Variants in TECRL observed in about 807,000 individuals in gnomAD.
TECRL encodes trans-2,3-enoyl-CoA reductase like, also known as trans-2,3-enoyl-CoA reductase-like.
A neutral mutation model predicts 52.8 loss-of-function variants in TECRL; 63 were observed. The observed-to-expected ratio is 1.19, with a 90% confidence interval of 0.97 to 1.47. The LOEUF (loss-of-function observed/expected upper bound fraction) is 1.47, where lower values mean the gene tolerates loss of function less well. TECRL is among the 40% of genes most tolerant of loss of function. The pLI is 0.00. For synonymous variants in TECRL, 164 were observed against 141.9 expected, an observed-to-expected ratio of 1.16 and a Z score of -1.10; for missense variants, 482 against 429.6, an observed-to-expected ratio of 1.12 and a Z score of -1.08.
chr4:64,378,149 T>G (rs1054782272), intron 1 of TECRL, among the ~76,000 whole-genome samples: 1 of 152,200 alleles, frequency 6.6e-6, no homozygotes, highest in Non-Finnish European at 1.5e-5. Flanking sequence ...AAATGCCAAA[T>G]GCAGGTTTCC....
At chr4:64,399,395 AAG>A (rs1167188059) in intron 1 of TECRL, among the ~76,000 whole-genome samples, 1 of 152,328 alleles carries the variant, frequency 6.6e-6, no homozygotes, top group Non-Finnish European at 1.5e-5. Flanking sequence ...TAGAAAAAAA[AAG>A]AGTTTTTTGA....
intron 2 of TECRL, among the ~76,000 whole-genome samples, chr4:64,335,305 G>T (rs1394853724): frequency 6.6e-6 from 1 of 152,130 alleles, no homozygotes; most frequent in Non-Finnish European, 1.5e-5. Flanking sequence ...CCCTATTGTG[G>T]ACTGTGCATG....
chr4:64,291,741 T>C (rs887360481), intron 8 of TECRL, among the ~76,000 whole-genome samples: 9 of 151,866 alleles, frequency 5.9e-5, no homozygotes, highest in Non-Finnish European at 1.2e-4. Flanking sequence ...GATAGATTTA[T>C]AATAACACCA....
At position 64,308,103 on chromosome 4, in the gene TECRL, C is replaced by T. The variant is rs532880449; in HGVS notation, c.657+1723G>A. On this transcript the variant is annotated intron_variant, in intron 6 of 11. Coordinates refer to ENST00000381210, the MANE Select transcript of TECRL (RefSeq NM_001010874.5). ...CACCTAATGGCAGTTAGGGTTAACA[C>T]TCCAGAGTGGGGAATGAGAGAGGAG... Among the ~76,000 whole-genome samples, 124 of 152,228 alleles carry T rather than the reference C, an allele frequency of 8.1e-4. 1 individual carries two copies. The highest frequency in any genetic ancestry group is 2.8e-3 in the African/African-American group (118 of 41,532).
At chr4:64,348,765 C>T (rs1337945559) in intron 2 of TECRL, among the ~76,000 whole-genome samples, 1 of 152,116 alleles carries the variant, frequency 6.6e-6, no homozygotes, top group Non-Finnish European at 1.5e-5. Context: ...AATTGTAGCT[C>T]AGAACATGTC....
chr4:64,304,694 C>T (rs756517982), intron 7 of TECRL, among the ~76,000 whole-genome samples: 25 of 151,958 alleles, frequency 1.6e-4, no homozygotes, highest in Non-Finnish European at 1.5e-4. Flanking sequence ...AGTGTACATT[C>T]AACCAAATGT....
intron 8 of TECRL, among the ~76,000 whole-genome samples, chr4:64,299,422 A>T (rs1723876833): frequency 6.6e-6 from 1 of 151,218 alleles, no homozygotes; most frequent in South Asian, 2.1e-4. Flanking sequence ...AAAAAGTGTC[A>T]AATGAAATAA....
rs541447234 is a variant in TECRL at position 64,306,353 on chromosome 4, A to T, written c.658-1115T>A. ...GGACTTAGAAGGATATCCTGGGGCAACTGAAGGTATCTGGCTGAGGCTAGA... is the reference window on the plus strand; with the variant it reads ...GGACTTAGAAGGATATCCTGGGGCATCTGAAGGTATCTGGCTGAGGCTAGA... On this transcript the variant is annotated intron_variant, in intron 6 of 11. Coordinates refer to ENST00000381210, the MANE Select transcript of TECRL (RefSeq NM_001010874.5). 1.1e-4 allele frequency among the ~76,000 whole-genome samples: 16 copies of T among 152,244 alleles called. No homozygotes were observed. In the East Asian group the frequency reaches 3.1e-3, roughly 29 times the overall value.
chr4:64,328,661 A>T, intron 2 of TECRL, 105 bp from the exon 3 acceptor site: 1 of 953,608 alleles, frequency 1.0e-6, no homozygotes, highest in Non-Finnish European at 1.6e-6. Context: ...AAGTAAATAA[A>T]ATGGGTTATC....
chr4:64,389,052 T>C (rs1418429285), intron 1 of TECRL, among the ~76,000 whole-genome samples: 1 of 151,932 alleles, frequency 6.6e-6, no homozygotes, highest in Non-Finnish European at 1.5e-5. Flanking sequence ...ATATTCTACA[T>C]AGACAAACAT....
chr4:64,347,750 G>A (rs1473410757), intron 2 of TECRL, among the ~76,000 whole-genome samples: 2 of 152,170 alleles, frequency 1.3e-5, no homozygotes, highest in East Asian at 1.9e-4. Context: ...CTCTCTGTAT[G>A]TGGGGATTAC....
intron 2 of TECRL, among the ~76,000 whole-genome samples, chr4:64,360,216 T>G (rs1721078676): frequency 6.6e-6 from 1 of 150,518 alleles, no homozygotes; most frequent in African/African-American, 2.4e-5. Context: ...GATAATCTAA[T>G]GGGATAATGG....
At chr4:64,330,194 G>A (rs954677899) in intron 2 of TECRL, among the ~76,000 whole-genome samples, 14 of 152,018 alleles carry the variant, frequency 9.2e-5, no homozygotes, top group Non-Finnish European at 1.6e-4. Context: ...TAGAAGAACC[G>A]TGAAGTGTCT....
chr4:64,361,027 C>A (rs998441842), intron 2 of TECRL, among the ~76,000 whole-genome samples: 2 of 152,152 alleles, frequency 1.3e-5, no homozygotes, highest in African/African-American at 4.8e-5. Context: ...CTAGACAGAG[C>A]GGGGTGGCCT....
chr4:64,364,923 C>T (rs1601081), intron 2 of TECRL, among the ~76,000 whole-genome samples: 136,411 of 151,738 alleles, frequency 0.9, 61,968 homozygotes, highest in East Asian at 1. Context: ...AGCATTATTC[C>T]GATACCAAAA....
chr4:64,314,730 T>G lies in TECRL; in HGVS notation c.469A>C (p.Ile157Leu), dbSNP rs754476477. ...FLAEYTGPLLIYLLFYLRIPC... is the reference protein window; with the variant it reads ...FLAEYTGPLLLYLLFYLRIPC... ...ATCCTCAAATAAAAGAGGAGGTATATTAGCAGAGGTCCTGTGTATTCAGCC... is the reference window on the plus strand; with the variant it reads ...ATCCTCAAATAAAAGAGGAGGTATAGTAGCAGAGGTCCTGTGTATTCAGCC... The change falls in exon 5 of 12, where the codon ATA becomes CTA. Residue 157 changes from isoleucine (I) to leucine (L), a missense_variant. Physicochemically the swap from Ile to Leu is conservative, Grantham distance 5. Transcript: ENST00000381210. The G allele has an allele frequency of 6.2e-7, 1 of 1,613,648 alleles. No homozygotes were observed. The highest frequency in any genetic ancestry group is 8.5e-7 in the Non-Finnish European group (1 of 1,179,762).
chr4:64,379,245 C>A (rs1220597026), intron 1 of TECRL, among the ~76,000 whole-genome samples: 1 of 82,164 alleles, frequency 1.2e-5, no homozygotes, highest in Non-Finnish European at 2.4e-5. Flanking sequence ...CACACACACA[C>A]ATACACACAC....
chr4:64,344,898 A>G (rs573657874), intron 2 of TECRL, among the ~76,000 whole-genome samples: 1 of 152,322 alleles, frequency 6.6e-6, no homozygotes, highest in South Asian at 2.1e-4. Flanking sequence ...TGACTGAGTG[A>G]CATGGAGGTT....
intron 9 of TECRL, among the ~76,000 whole-genome samples, chr4:64,284,681 G>T (rs539131261): frequency 1.3e-5 from 2 of 152,186 alleles, no homozygotes; most frequent in East Asian, 3.9e-4. Flanking sequence ...TTCATAGGAG[G>T]CTTGACCCAC....
Sources: allele counts gnomAD v4.1 joint callset (sites outside exome capture counted in the v4.1 genomes callset), GRCh38; gene constraint gnomAD v4.1.1; transcripts MANE v1.5; gene names NCBI Gene and HGNC (gene_info 2026-07-23, HGNC 2026-07-21).